Variants in TCHH observed in about 807,000 individuals in gnomAD.
The protein encoded by TCHH is trichohyalin.
Under a neutral mutation model 6.3 loss-of-function variants are expected in TCHH, and 6 were observed. The ratio of observed to expected loss-of-function variants is 0.95; its 90% CI spans 0.52 to 1.88. TCHH has a LOEUF of 1.88. TCHH is among the 40% of genes most tolerant of loss of function. The pLI is 0.01. For missense variants in TCHH, 2,920 were observed against 2,449.1 expected, an observed-to-expected ratio of 1.19 and a Z score of -4.06; for synonymous variants, 1,087 against 963.6, an observed-to-expected ratio of 1.13 and a Z score of -2.37.
rs749777925 is a variant in TCHH, at chr1:152,107,401, G to A, written c.5816C>T (p.Ser1939Phe). The change falls in exon 3 of 3, where the codon TCT becomes TTT. Residue 1939 changes from serine (S) to phenylalanine (F), a missense_variant. Physicochemically the swap from Ser to Phe is radical, Grantham distance 155. Transcript: ENST00000614923. Reference protein sequence around the residue: ...PLYEYIQEQRSQYRP With the variant: ...PLYEYIQEQRFQYRP ...CAACATCACTTAAGGGCGGTATTGA[G>A]ATCTCTGCTCTTGGATGTACTCATA... 6 of 1,572,952 alleles carry A rather than the reference G, an allele frequency of 3.8e-6. No individual in the cohort carries two copies. Among genetic ancestry groups the A allele is most frequent in the East Asian group, 2.3e-5 (1 of 44,342 alleles).
Position 152,111,594 on chromosome 1 carries a change from C to G in TCHH, c.1623G>C (p.Glu541Asp). ...RLRSEQQLRR[E>D]QEERREQLLK... ...GCAGCTGCTCGCGCCTCTCCTCCTG[C>G]TCGCGTCTTAGTTGTTGCTCGCTCC... The change falls in exon 3 of 3, where the codon GAG becomes GAC. Residue 541 changes from glutamate to aspartate, a missense_variant. Glu to Asp is a conservative substitution (Grantham distance 45, BLOSUM62 2). Coordinates refer to ENST00000614923, the MANE Select transcript of TCHH (RefSeq NM_007113.4). 1.2e-6 allele frequency: 2 copies of G among 1,608,630 alleles called. No homozygotes were observed. The highest frequency in any genetic ancestry group is 2.2e-5 in the East Asian group (1 of 44,480).
chr1:152,109,582 T>C lies in TCHH; in HGVS notation c.3635A>G (p.Gln1212Arg). ...GCGCTGATCCTCATCCCGGTATCGC[T>C]GCTTCCTTTTCTGGCGCTGAAGCTC... ...EEELQRQKRKQRYRDEDQRSD... is the reference protein window; with the variant it reads ...EEELQRQKRKRRYRDEDQRSD... Residue 1212 changes from glutamine to arginine, a missense_variant, in exon 3 of 3, where the codon CAG (glutamine) becomes CGG (arginine). Transcript: ENST00000614923. 6.2e-7 allele frequency: 1 copy of C among 1,614,262 alleles called. No homozygotes were observed. The highest frequency in any genetic ancestry group is 1.1e-5 in the South Asian group (1 of 91,088).
In TCHH at chr1:152,111,419, G is replaced by T; in HGVS notation, c.1798C>A (p.Gln600Lys). 2 of 1,605,594 alleles carry T rather than the reference G, an allele frequency of 1.2e-6. No individual in the cohort carries two copies. Among genetic ancestry groups the T allele is most frequent in the South Asian group, 1.1e-5 (1 of 90,704 alleles). The stretch of plus-strand genomic sequence containing the variant: ...TCCACCTCCTCGCGCTTCAGTCGCT[G>T]CTCGAGCCTCTCTTCCTGCTCGCGC... ...LKREQEERLE[Q>K]RLKREEVERL... The change falls in exon 3 of 3, where the codon CAG (glutamine) becomes AAG (lysine). Residue 600 changes from glutamine to lysine, a missense_variant. Physicochemically the swap from Gln to Lys is moderately conservative, Grantham distance 53 (BLOSUM62 1). Transcript: ENST00000614923.
In TCHH at chr1:152,109,287, G is replaced by A. The variant is rs367845979; in HGVS notation, c.3930C>T (p.Arg1310=). 326 of 1,613,880 alleles carry A rather than the reference G, an allele frequency of 2.0e-4. No homozygotes were observed. The highest frequency in any genetic ancestry group is 2.4e-4 in the Non-Finnish European group (286 of 1,180,022). ...EREEQKEAKR[R]DRKSQEEKQL... is the part of the protein sequence containing the mutation. Reference sequence around the variant, plus strand: ...GCTTTTCCTCTTGGGACTTCCTGTCGCGCCTTTTGGCTTCCTTTTGCTCTT... The same window carrying A: ...GCTTTTCCTCTTGGGACTTCCTGTCACGCCTTTTGGCTTCCTTTTGCTCTT... Residue 1310 remains arginine, a synonymous_variant, in exon 3 of 3, where the codon CGC becomes CGT. Coordinates refer to ENST00000614923, the MANE Select transcript of TCHH (RefSeq NM_007113.4).
Position 152,112,847 on chromosome 1 carries a change from G to T in TCHH, c.370C>A (p.Pro124Thr). ...TCTTCTTCCAGTTGTCTGTCCCGGG[G>T]CTCGAATCTCCTTTGGTCTTCTTCT... ...RQEEDQRRFE[P>T]RDRQLEEEPG... Residue 124 changes from proline to threonine, a missense_variant, in exon 3 of 3, where the codon CCC becomes ACC. Pro to Thr is a conservative substitution (Grantham distance 38). Coordinates refer to ENST00000614923, the MANE Select transcript of TCHH (RefSeq NM_007113.4). 6.2e-7 allele frequency: 1 copy of T among 1,613,848 alleles called. No individual in the cohort carries two copies. Among genetic ancestry groups the T allele is most frequent in the Non-Finnish European group, 8.5e-7 (1 of 1,179,992 alleles).
In TCHH at chr1:152,107,576, G is replaced by A. The variant is rs760165446; in HGVS notation, c.5641C>T (p.Arg1881Trp). Residue 1881 changes from arginine (R) to tryptophan (W), a missense_variant, in exon 3 of 3, where the codon CGG becomes TGG. Physicochemically the swap from Arg to Trp is moderately radical, Grantham distance 101. Transcript: ENST00000614923. ...KRRQERERKL[R>W]EEHIRRQQKE... ...TGCTGGCGGCGGATGTGTTCTTCCC[G>A]TAATTTCCTTTCCCGTTCCTGGCGA... The A allele has an allele frequency of 1.3e-5, 21 of 1,613,924 alleles. No homozygotes were observed. Among genetic ancestry groups the A allele is most frequent in the Middle Eastern group, 1.6e-4 (1 of 6,084 alleles).
chr1:152,112,371 C>G lies in TCHH; in HGVS notation c.846G>C (p.Glu282Asp), dbSNP rs1394065056. 1.9e-6 allele frequency: 3 copies of G among 1,613,670 alleles called. No homozygotes were observed. The highest frequency in any genetic ancestry group is 2.7e-5 in the African/African-American group (2 of 74,898). ...GGCGCTCCCTCCTCAGCTCTTGCCG[C>G]TCCAGCTTCCGTAGCTGCTCTTCTT... ...QEEEEQLRKL[E>D]RQELRRERQE... Residue 282 changes from glutamate (E) to aspartate (D), a missense_variant, in exon 3 of 3, where the codon GAG (glutamate) becomes GAC (aspartate). Coordinates refer to ENST00000614923, the MANE Select transcript of TCHH (RefSeq NM_007113.4).
chr1:152,113,912 C>A, intron 2 of TCHH, 31 bp downstream of exon 2: 2 of 1,602,536 alleles, frequency 1.2e-6, no homozygotes, highest in South Asian at 2.3e-5. Flanking sequence ...AGCCTCAAGT[C>A]AATAGATCTC....
chr1:152,113,812 A>G (rs1030953548), intron 2 of TCHH, 131 bp downstream of exon 2: 1 of 1,043,122 alleles, frequency 9.6e-7, no homozygotes, highest in Admixed American at 2.5e-5. Flanking sequence ...CTCAGAAATG[A>G]ATGGGGGATG....
chr1:152,109,249 T>A lies in TCHH; in HGVS notation c.3968A>T (p.Glu1323Val). 6.2e-7 allele frequency: 1 copy of A among 1,614,244 alleles called. No homozygotes were observed. Among genetic ancestry groups the A allele is most frequent in the Admixed American group, 1.7e-5 (1 of 60,034 alleles). ...KSQEEKQLLR[E>V]EREEKRRRQE... is the part of the protein sequence containing the mutation. The stretch of plus-strand genomic sequence containing the variant: ...ACGGCGTCTCTTCTCTTCTCTTTCC[T>A]CTCTCAGCAACTGCTTTTCCTCTTG... The change falls in exon 3 of 3, where the codon GAG becomes GTG. Residue 1323 changes from glutamate (E) to valine (V), a missense_variant. Physicochemically the swap from Glu to Val is moderately radical, Grantham distance 121. Transcript: ENST00000614923.
At position 152,109,441 on chromosome 1, in the gene TCHH, C is replaced by T. The variant is rs1458354783; in HGVS notation, c.3776G>A (p.Arg1259His). 2 of 1,613,652 alleles carry T rather than the reference C, an allele frequency of 1.2e-6. No homozygotes were observed. Among genetic ancestry groups the T allele is most frequent in the African/African-American group, 1.3e-5 (1 of 74,932 alleles). ...CAGATCTTGCTGGGATTGTCTGTCG[C>T]GCAGCTGGGAATCTTCCAACTGCCG... ...QFRQLEDSQL[R>H]DRQSQQDLQH... The change falls in exon 3 of 3, where the codon CGC becomes CAC. Residue 1259 changes from arginine (R) to histidine (H), a missense_variant. Transcript: ENST00000614923.
At position 152,109,864 on chromosome 1, in the gene TCHH, T is replaced by C; in HGVS notation, c.3353A>G (p.Gln1118Arg). Residue 1118 changes from glutamine to arginine, a missense_variant, in exon 3 of 3, where the codon CAG becomes CGG. Physicochemically the swap from Gln to Arg is conservative, Grantham distance 43. Coordinates refer to ENST00000614923, the MANE Select transcript of TCHH (RefSeq NM_007113.4). ...RQCREEEELQ[Q>R]EEEQLLREER... ...CTCTCTCAGCAGCTGCTCTTCCTCC[T>C]GCTGCAGCTCCTCTTCCTCCCGACA... 6.2e-7 allele frequency: 1 copy of C among 1,605,594 alleles called. No individual in the cohort carries two copies. The highest frequency in any genetic ancestry group is 8.5e-7 in the Non-Finnish European group (1 of 1,177,592).
Position 152,111,995 on chromosome 1 carries a change from TCAGCTG to T in TCHH, c.1216_1221del (p.Gln406_Leu407del). On this transcript the variant is annotated inframe_deletion, in exon 3 of 3. Coordinates refer to ENST00000614923, the MANE Select transcript of TCHH (RefSeq NM_007113.4). ...TCGCGCCTCAGCTGCTGCTCGCGCC[TCAGCTG>T]CTGCTCGCGCCTCAGCTGCTGCTCG... 2.8e-6 allele frequency: 1 copy of T among 359,606 alleles called. No homozygotes were observed. The highest frequency in any genetic ancestry group is 4.8e-6 in the Non-Finnish European group (1 of 208,856). 22.3% of individuals were successfully genotyped at this position (359,606 alleles called of 1,614,324 possible).
Position 152,108,186 on chromosome 1 carries a change from C to T in TCHH, c.5031G>A (p.Gln1677=), listed in dbSNP as rs1336187564. Residue 1677 remains glutamine (Q), a synonymous_variant, in exon 3 of 3, where the codon CAG becomes CAA. Coordinates refer to ENST00000614923, the MANE Select transcript of TCHH (RefSeq NM_007113.4). ...RKFREEEQLL[Q]EGEEQQLRRQ... ...GGCGCAGCTGCTGTTCCTCCCCTTC[C>T]TGGAGCAGCTGTTCCTCTTCACGGA... 16 of 1,610,176 alleles carry T rather than the reference C, an allele frequency of 9.9e-6. No individual in the cohort carries two copies. Among genetic ancestry groups the T allele is most frequent in the African/African-American group, 1.4e-5 (1 of 73,658 alleles).
In TCHH at chr1:152,110,462, C is replaced by G. The variant is rs1293934764; in HGVS notation, c.2755G>C (p.Glu919Gln). The G allele has an allele frequency of 3.7e-6, 6 of 1,614,050 alleles. No homozygotes were observed. The highest frequency in any genetic ancestry group is 1.3e-5 in the African/African-American group (1 of 74,936). ...EEEELQREER[E>Q]KRRRQEQERQ... is the part of the protein sequence containing the mutation. ...TCCTGTTCTTGGCGCCTTCTCTTCT[C>G]GCGCTCCTCTCTCTGTAGCTCCTCC... The change falls in exon 3 of 3, where the codon GAG (glutamate) becomes CAG (glutamine). Residue 919 changes from glutamate (E) to glutamine (Q), a missense_variant. Coordinates refer to ENST00000614923, the MANE Select transcript of TCHH (RefSeq NM_007113.4).
Position 152,112,933 on chromosome 1 carries a change from A to G in TCHH, c.284T>C (p.Leu95Pro). Reference sequence around the variant, plus strand: ...ACACCGGGCTCGCTTCTCCTCATCCAGTCCCGTGGCCTGGCCGAGAGCATA... The same window carrying G: ...ACACCGGGCTCGCTTCTCCTCATCCGGTCCCGTGGCCTGGCCGAGAGCATA... ...CYYALGQATG[L>P]DEEKRARCDG... Residue 95 changes from leucine to proline, a missense_variant, in exon 3 of 3, where the codon CTG (leucine) becomes CCG (proline). Physicochemically the swap from Leu to Pro is moderately conservative, Grantham distance 98 (BLOSUM62 -3). Coordinates refer to ENST00000614923, the MANE Select transcript of TCHH (RefSeq NM_007113.4). The G allele has an allele frequency of 6.2e-7, 1 of 1,613,868 alleles. No homozygotes were observed. Among genetic ancestry groups the G allele is most frequent in the Middle Eastern group, 1.6e-4 (1 of 6,062 alleles).
rs1658165449 is a variant in TCHH at position 152,108,013 on chromosome 1, G to A, written c.5204C>T (p.Thr1735Met). ...TTGGCGGCGCAGCTGCTCTTGCTCC[G>A]TTTCTTGGCGCAGCTGTTCCTCCTC... ...FREEEQLRQE[T>M]EQEQLRRQER... Residue 1735 changes from threonine to methionine, a missense_variant, in exon 3 of 3, where the codon ACG becomes ATG. Coordinates refer to ENST00000614923, the MANE Select transcript of TCHH (RefSeq NM_007113.4). 6 of 1,603,672 alleles carry A rather than the reference G, an allele frequency of 3.7e-6. No homozygotes were observed. In the Admixed American group the frequency reaches 5.1e-5, roughly 14 times the overall value.
chr1:152,109,619 G>C lies in TCHH; in HGVS notation c.3598C>G (p.Arg1200Gly), dbSNP rs199817873. Residue 1200 changes from arginine (R) to glycine (G), a missense_variant, in exon 3 of 3, where the codon CGG (arginine) becomes GGG (glycine). Transcript: ENST00000614923. ...TGGCGCTGAAGCTCTTCCTCCTCCC[G>C]ATACTGCCTCTCCCGCTCCTGGCGC... ...KRRQERERQY[R>G]EEEELQRQKR... The C allele has an allele frequency of 2.9e-5, 47 of 1,614,026 alleles. No homozygotes were observed. The highest frequency in any genetic ancestry group is 3.3e-4 in the Middle Eastern group (2 of 6,084).
At chr1:152,114,166 G>C in intron 1 of TCHH, 55 bp from the exon 2 acceptor site, 1 of 1,325,634 alleles carries the variant, frequency 7.5e-7, no homozygotes, top group African/African-American at 1.5e-5. Flanking sequence ...TTTTGGGAAG[G>C]CTTCATTCAC....
Sources: gnomAD v4.1 joint callset for allele counts on GRCh38, gnomAD v4.1.1 for gene constraint, MANE v1.5 for transcripts, NCBI Gene and HGNC (gene_info 2026-07-23, HGNC 2026-07-21) for gene names.